SCAPER: variants seen among roughly 807,000 people sequenced by gnomAD.
SCAPER encodes S phase cyclin A-associated protein in the endoplasmic reticulum.
SCAPER carries 98 observed loss-of-function variants against 182.2 expected under a neutral mutation model. That is an observed-to-expected ratio of 0.54 (90% CI 0.46 to 0.64). SCAPER has a LOEUF of 0.64. Among genes scored for constraint, SCAPER ranks in the 30% least tolerant of loss-of-function variants. The pLI is 0.00. For synonymous variants in SCAPER, 605 were observed against 564.6 expected (o/e 1.07, Z -1.01); for missense variants, 1,432 against 1,690.0 (o/e 0.85, Z 2.68).
At chr15:76,865,021 A>G (rs909302942) in intron 2 of SCAPER, among the ~76,000 whole-genome samples, 3 of 152,214 alleles carry the variant, frequency 2.0e-5, no homozygotes, top group Non-Finnish European at 2.9e-5. Flanking sequence ...ATACTATCCT[A>G]TATCACTATA....
intron 22 of SCAPER, among the ~76,000 whole-genome samples, chr15:76,579,100 A>AC (rs1217203523): frequency 1.8e-5 from 2 of 110,248 alleles, no homozygotes; most frequent in Non-Finnish European, 4.4e-5. Flanking sequence ...CCCTGCCTTG[A>AC]CTAAAAATAC....
intron 23 of SCAPER, among the ~76,000 whole-genome samples, chr15:76,510,410 C>T (rs1567308818): frequency 6.6e-6 from 1 of 152,026 alleles, no homozygotes; most frequent in Non-Finnish European, 1.5e-5. Flanking sequence ...AACAAACAAA[C>T]AACCCCATCA....
At chr15:76,875,179 A>C (rs2073049265) in intron 2 of SCAPER, among the ~76,000 whole-genome samples, 1 of 152,230 alleles carries the variant, frequency 6.6e-6, no homozygotes, top group African/African-American at 2.4e-5. Context: ...TCATTTAAGC[A>C]ACAAATTACA....
Position 76,434,374 on chromosome 15 carries a change from T to C in SCAPER, c.3079-64A>G, listed in dbSNP as rs1305644082. The C allele has an allele frequency of 3.4e-5, 38 of 1,124,792 alleles. No individual in the cohort carries two copies. In the East Asian group the frequency reaches 8.8e-4, roughly 26 times the overall value. The allele number at this position is 1,124,792 out of a possible 1,614,324, so 69.7% of individuals were successfully genotyped here. ...AACCACCAAAAATGGGCAGAGACAG[T>C]TTAGAACATTTCTGGAATCATAAGT... is the stretch of plus-strand genomic sequence containing the variant. On this transcript the variant is annotated intron_variant, in intron 25 of 31. Transcript: ENST00000563290.
At chr15:76,697,436 C>T (rs914092852) in intron 20 of SCAPER, among the ~76,000 whole-genome samples, 1 of 152,180 alleles carries the variant, frequency 6.6e-6, no homozygotes, top group Non-Finnish European at 1.5e-5. Flanking sequence ...CATAAGACTG[C>T]TATGGCTACA....
intron 10 of SCAPER, among the ~76,000 whole-genome samples, chr15:76,771,483 A>G (rs1364245735): frequency 6.6e-6 from 1 of 152,128 alleles, no homozygotes; most frequent in Non-Finnish European, 1.5e-5. Context: ...CTGGGCTAAG[A>G]GCATTTGATC....
At chr15:76,871,295 G>A (rs1010608994) in intron 2 of SCAPER, among the ~76,000 whole-genome samples, 1 of 151,214 alleles carries the variant, frequency 6.6e-6, no homozygotes, top group East Asian at 2.0e-4. Context: ...TGTAGTCCCA[G>A]CTACTTGGGG....
chr15:76,396,108 C>T (rs193262619), intron 27 of SCAPER, among the ~76,000 whole-genome samples: 1 of 152,238 alleles, frequency 6.6e-6, no homozygotes, highest in African/African-American at 2.4e-5. Context: ...CTAATTTATG[C>T]TCTTGGCACC....
chr15:76,671,167 C>T (rs1232148655), intron 20 of SCAPER, among the ~76,000 whole-genome samples: 1 of 151,892 alleles, frequency 6.6e-6, no homozygotes, highest in Non-Finnish European at 1.5e-5. Context: ...TGGAAAAACC[C>T]CATCTTCACA....
intron 22 of SCAPER, among the ~76,000 whole-genome samples, chr15:76,588,491 G>A (rs2048854873): frequency 6.6e-6 from 1 of 152,146 alleles, no homozygotes; most frequent in African/African-American, 2.4e-5. Flanking sequence ...GAGTCCTTAT[G>A]AGTTAGGTGA....
chr15:76,836,389 T>C (rs1172270017), intron 5 of SCAPER, among the ~76,000 whole-genome samples: 1 of 152,036 alleles, frequency 6.6e-6, no homozygotes, highest in Non-Finnish European at 1.5e-5. Context: ...TGAAACTAGT[T>C]AGGGAACCCA....
intron 26 of SCAPER, among the ~76,000 whole-genome samples, chr15:76,419,730 G>T (rs1403099483): frequency 6.6e-6 from 1 of 151,948 alleles, no homozygotes. Context: ...CAAAAAAAAA[G>T]AACTAATACT....
chr15:76,460,022 G>T (rs770707164), intron 25 of SCAPER, among the ~76,000 whole-genome samples: 1 of 152,002 alleles, frequency 6.6e-6, no homozygotes, highest in Non-Finnish European at 1.5e-5. Flanking sequence ...CTCTTCCATC[G>T]ATCTGTATGG....
rs71143333 is a variant in SCAPER at position 76,488,714 on chromosome 15, C to CTTTTTTTTTTTTTTTTTTTTTT, written c.2954+16123_2954+16144dup. On this transcript the variant is annotated intron_variant, in intron 24 of 31. Transcript: ENST00000563290. The stretch of plus-strand genomic sequence containing the variant: ...TTGCATCCTGATAACAGTACACTGC[C>CTTTTTTTTTTTTTTTTTTTTTT]TTTTTTTTTTTTTTTTTTTTTTTTT... 8.9e-4 allele frequency among the ~76,000 whole-genome samples: 83 copies of CTTTTTTTTTTTTTTTTTTTTTT among 93,104 alleles called. 6 individuals are homozygous for CTTTTTTTTTTTTTTTTTTTTTT. The highest frequency in any genetic ancestry group is 1.2e-3 in the East Asian group (3 of 2,488). 61.1% of individuals were successfully genotyped at this position (93,104 alleles called of 152,430 possible).
At chr15:76,767,213 G>T in intron 10 of SCAPER, 125 bp from the exon 11 acceptor site, 2 of 965,130 alleles carry the variant, frequency 2.1e-6, no homozygotes, top group South Asian at 1.7e-5. Context: ...AATCATAAAA[G>T]CTGGGGTTCC....
Position 76,840,796 on chromosome 15 carries a change from C to T in SCAPER, c.393+938G>A, listed in dbSNP as rs142905119. 1.2e-4 allele frequency among the ~76,000 whole-genome samples: 19 copies of T among 152,302 alleles called. No individual in the cohort carries two copies. The East Asian group carries it at 3.3e-3, about 26-fold the overall frequency. ...TAATATGGTATAAAGTCTCTACTTA[C>T]TAAAAGGCCAGGCTTTTTAGATAGA... is the stretch of plus-strand genomic sequence containing the variant. On this transcript the variant is annotated intron_variant, in intron 5 of 31. Coordinates refer to ENST00000563290, the MANE Select transcript of SCAPER (RefSeq NM_020843.4).
intron 21 of SCAPER, among the ~76,000 whole-genome samples, chr15:76,627,411 C>A (rs1024431223): frequency 2.0e-5 from 3 of 152,062 alleles, no homozygotes; most frequent in Non-Finnish European, 4.4e-5. Flanking sequence ...GCCCAGCATG[C>A]GTTAGCTATT....
At chr15:76,896,533 A>G (rs1314814648) in intron 1 of SCAPER, among the ~76,000 whole-genome samples, 1 of 152,224 alleles carries the variant, frequency 6.6e-6, no homozygotes, top group African/African-American at 2.4e-5. Flanking sequence ...TAACATTGTT[A>G]AAATACCCAT....
chr15:76,821,993 A>AG (rs1400297261), intron 5 of SCAPER, among the ~76,000 whole-genome samples: 2 of 151,212 alleles, frequency 1.3e-5, no homozygotes, highest in African/African-American at 4.8e-5. Context: ...TGCTGGGGTT[A>AG]GGGGTGGGGG....
Sources: gnomAD v4.1 joint callset for allele counts (sites outside exome capture counted in the v4.1 genomes callset) on GRCh38, gnomAD v4.1.1 for gene constraint, MANE v1.5 for transcripts, NCBI Gene and HGNC (gene_info 2026-07-23, HGNC 2026-07-21) for gene names.